The following TIMM44 variants were observed in gnomAD, a reference collection of about 807,000 sequenced individuals.
TIMM44 encodes mitochondrial import inner membrane translocase subunit TIM44.
TIMM44 carries 37 observed loss-of-function variants against 63.8 expected under a neutral mutation model. The ratio of observed to expected loss-of-function variants is 0.58; its 90% CI spans 0.45 to 0.76. TIMM44 has a LOEUF of 0.76. Ranked by LOEUF, TIMM44 falls within the 30% of genes least tolerant of loss-of-function variation. The pLI is 0.00. For synonymous variants in TIMM44, 239 were observed against 245.1 expected (o/e 0.98, Z 0.23); for missense variants, 573 against 603.8 (o/e 0.95, Z 0.54).
At chr19:7,929,894 G>A (rs1983931395) in intron 10 of TIMM44, among the ~76,000 whole-genome samples, 1 of 152,134 alleles carries the variant, frequency 6.6e-6, no homozygotes. Flanking sequence ...TGTTGCCCAG[G>A]CTGGAGTGCA....
intron 10 of TIMM44, among the ~76,000 whole-genome samples, chr19:7,930,352 A>T (rs1348014820): frequency 7.6e-6 from 1 of 131,006 alleles, no homozygotes; most frequent in Non-Finnish European, 1.5e-5. Flanking sequence ...TCTGTTGCCC[A>T]GGCTGAAGTG....
At chr19:7,931,862 G>T (rs1983994553) in intron 9 of TIMM44, 1 of 156,520 alleles carries the variant, frequency 6.4e-6, no homozygotes, top group Non-Finnish European at 1.4e-5. Context: ...AGGCACTGCG[G>T]TGCTCAGGCT....
chr19:7,941,491 T>C (rs1253966315), intron 1 of TIMM44, among the ~76,000 whole-genome samples: 2 of 152,022 alleles, frequency 1.3e-5, no homozygotes, highest in East Asian at 3.9e-4. Context: ...TTTTGCCATG[T>C]TGGCCAGGCT....
Position 7,933,023 on chromosome 19 carries a change from C to A in TIMM44, c.770-91G>T, listed in dbSNP as rs917486616. On this transcript the variant is annotated intron_variant, in intron 7 of 12. Coordinates refer to ENST00000270538, the MANE Select transcript of TIMM44 (RefSeq NM_006351.4). The surrounding 1 kb of genome is among the most constrained non-coding windows in gnomAD (Gnocchi z 4.3). ...TTCTAGAGGCTCCCTGTGACCCCTG[C>A]GGGATCCACCCTGACACGGGTGGGG... The A allele has an allele frequency of 1.9e-6, 2 of 1,037,376 alleles. No homozygotes were observed. The highest frequency in any genetic ancestry group is 3.0e-6 in the Non-Finnish European group (2 of 676,720). 64.3% of individuals were successfully genotyped at this position (1,037,376 alleles called of 1,614,324 possible).
intron 10 of TIMM44, among the ~76,000 whole-genome samples, chr19:7,930,303 CTTTTT>C (rs71179159): frequency 9.1e-6 from 1 of 109,476 alleles, no homozygotes; most frequent in Non-Finnish European, 1.8e-5. Context: ...ATGCTTGGCT[CTTTTT>C]TTTTTTTTTT....
chr19:7,935,933 C>G (rs1408708618), intron 3 of TIMM44, among the ~76,000 whole-genome samples: 2 of 152,196 alleles, frequency 1.3e-5, no homozygotes, highest in African/African-American at 4.8e-5. Flanking sequence ...ATGGGAGGAT[C>G]GCTTGAGCCC....
rs1270463133 is a variant in TIMM44, at chr19:7,932,907, A to G, written c.795T>C (p.Tyr265=). The G allele has an allele frequency of 2.5e-6, 4 of 1,614,168 alleles. No homozygotes were observed. The highest frequency in any genetic ancestry group is 4.5e-5 in the East Asian group (2 of 44,870). The change falls in exon 8 of 13, where the codon TAT becomes TAC. Residue 265 remains tyrosine, a synonymous_variant. Coordinates refer to ENST00000270538, the MANE Select transcript of TIMM44 (RefSeq NM_006351.4). ...GGATGAACGCGTTGTCGCTTTCGTC[A>G]TACTTCATCTTCATCTCGAAGAACC... ...FNRFFEMKMK[Y]DESDNAFIRA...
At chr19:7,941,006 G>T in intron 2 of TIMM44, 96 bp downstream of exon 2, 1 of 975,846 alleles carries the variant, frequency 1.0e-6, no homozygotes, top group Non-Finnish European at 1.6e-6. Flanking sequence ...GATGGTACGA[G>T]CCACCTCTAC....
At chr19:7,939,612 CA>C (rs34322159) in intron 2 of TIMM44, among the ~76,000 whole-genome samples, 17,147 of 91,030 alleles carry the variant, frequency 0.19, 1,276 homozygotes, top group Middle Eastern at 0.25. Flanking sequence ...GACTCCATCT[CA>C]AAAAAAAAAA....
intron 1 of TIMM44, among the ~76,000 whole-genome samples, chr19:7,941,614 C>G (rs762816949): frequency 1.3e-5 from 2 of 151,640 alleles, no homozygotes; most frequent in African/African-American, 4.8e-5. Flanking sequence ...GTATCTTATG[C>G]CTGATGCATG....
intron 10 of TIMM44, among the ~76,000 whole-genome samples, chr19:7,929,784 G>A (rs972356618): frequency 6.6e-6 from 1 of 151,714 alleles, no homozygotes; most frequent in African/African-American, 2.4e-5. Context: ...TAGGGCAGTC[G>A]GCCCCCAGAC....
At chr19:7,941,257 C>A in intron 1 of TIMM44, 60 bp from the exon 2 acceptor site, 1 of 1,323,512 alleles carries the variant, frequency 7.6e-7, no homozygotes, top group Non-Finnish European at 1.1e-6. Context: ...GAGAAGTAAG[C>A]AGACCACACA....
Position 7,943,489 on chromosome 19 carries a change from G to C in TIMM44, c.45+118C>G. On this transcript the variant is annotated intron_variant, in intron 1 of 12. Transcript: ENST00000270538. This position sits in a 1 kb window ranked among gnomAD's most constrained non-coding sequence, Gnocchi z 4.3. ...CTGCTACCCAAAGATCTAACCCCAA[G>C]CTTTCTAAGGAGCCCAAGCAAGGGT... is the stretch of plus-strand genomic sequence containing the variant. The C allele has an allele frequency of 8.1e-7, 1 of 1,230,420 alleles. No individual in the cohort carries two copies. Among genetic ancestry groups the C allele is most frequent in the East Asian group, 2.5e-5 (1 of 39,424 alleles). 76.2% of individuals were successfully genotyped at this position (1,230,420 alleles called of 1,614,324 possible). A position where few individuals can be genotyped will look rare whatever the true frequency, so the allele number is the denominator to read the frequency against.
chr19:7,932,985 C>A (rs4804243), intron 7 of TIMM44, 53 bp from the exon 8 acceptor site: 267,823 of 1,431,396 alleles, frequency 0.19, 28,776 homozygotes, highest in Non-Finnish European at 0.22. Flanking sequence ...GAAACACAAC[C>A]CTCCCTCACA....
Position 7,943,607 on chromosome 19 carries a change from C to T in TIMM44, c.45G>A (p.Arg15=), listed in dbSNP as rs1984369456. 1 of 1,563,506 alleles carries T rather than the reference C, an allele frequency of 6.4e-7. No homozygotes were observed. The highest frequency in any genetic ancestry group is 8.6e-7 in the Non-Finnish European group (1 of 1,161,496). ...ALRSGWCRCP[R]RCLGSGIQFL... ...CTGCCAGCGCCGCACCGCCGCTCACCCGTGGACAGCGGCACCAGCCACTCC... is the reference window on the plus strand; with the variant it reads ...CTGCCAGCGCCGCACCGCCGCTCACTCGTGGACAGCGGCACCAGCCACTCC... The change falls in exon 1 of 13, where the codon CGG becomes CGA. Residue 15 remains arginine (R), a splice_region_variant and synonymous_variant. Coordinates refer to ENST00000270538, the MANE Select transcript of TIMM44 (RefSeq NM_006351.4). This position sits in a 1 kb window ranked among gnomAD's most constrained non-coding sequence, Gnocchi z 4.3.
rs58104981 is a variant in TIMM44 at position 7,935,041 on chromosome 19, T to TAA, written c.393+23_393+24insTT. The TAA allele has an allele frequency of 7.0e-3, 11,308 of 1,605,886 alleles. 655 individuals carry two copies. In the African/African-American group the frequency reaches 0.13, roughly 19 times the overall value. ...AGGGGACTTTGATGGCCCCAGCGGC[T>TAA]CCAGGCGGGCGTGGAACTGTTACCT... On this transcript the variant is annotated intron_variant, in intron 4 of 12. Transcript: ENST00000270538.
At position 7,933,644 on chromosome 19, in the gene TIMM44, G is replaced by A; in HGVS notation, c.684-74C>T. 7.0e-7 allele frequency: 1 copy of A among 1,422,300 alleles called. No individual in the cohort carries two copies. Among genetic ancestry groups the A allele is most frequent in the African/African-American group, 1.4e-5 (1 of 71,132 alleles). The allele number at this position is 1,422,300 out of a possible 1,614,324, so 88.1% of individuals were successfully genotyped here. A position where few individuals can be genotyped will look rare whatever the true frequency, so the allele number is the denominator to read the frequency against. On this transcript the variant is annotated intron_variant, in intron 6 of 12. Coordinates refer to ENST00000270538, the MANE Select transcript of TIMM44 (RefSeq NM_006351.4). The surrounding 1 kb of genome is among the most constrained non-coding windows in gnomAD (Gnocchi z 4.3). Reference sequence around the variant, plus strand: ...CTGTGCCCTCCTGCGGCTGCAGGCAGGGGGCAGTACAGGACAGCAGGCAGC... The same window carrying A: ...CTGTGCCCTCCTGCGGCTGCAGGCAAGGGGCAGTACAGGACAGCAGGCAGC...
rs529745388 is a variant in TIMM44 at position 7,929,807 on chromosome 19, T to C, written c.1038+1331A>G. Among the ~76,000 whole-genome samples, 7 of 151,778 alleles carry C rather than the reference T, an allele frequency of 4.6e-5. No individual in the cohort carries two copies. The South Asian group carries it at 1.5e-3, about 32-fold the overall frequency. On this transcript the variant is annotated intron_variant, in intron 10 of 12. Coordinates refer to ENST00000270538, the MANE Select transcript of TIMM44 (RefSeq NM_006351.4). Reference sequence around the variant, plus strand: ...TCGGCCCCCAGACACCTCATTTTACTTCATGGCTGCAACCACCTCTCCTGG... The same window carrying C: ...TCGGCCCCCAGACACCTCATTTTACCTCATGGCTGCAACCACCTCTCCTGG...
Position 7,933,595 on chromosome 19 carries a change from G to A in TIMM44, c.684-25C>T. 6.2e-7 allele frequency: 1 copy of A among 1,605,308 alleles called. No individual in the cohort carries two copies. Among genetic ancestry groups the A allele is most frequent in the South Asian group, 1.1e-5 (1 of 90,914 alleles). The stretch of plus-strand genomic sequence containing the variant: ...CCTGGGGAAGAGGGTGGGCCCTGGG[G>A]TGAGCGGCGGCGCCAGGGCCACCCT... On this transcript the variant is annotated intron_variant, in intron 6 of 12. Transcript: ENST00000270538. This position sits in a 1 kb window ranked among gnomAD's most constrained non-coding sequence, Gnocchi z 4.3.
Sources: allele counts gnomAD v4.1 joint callset (sites outside exome capture counted in the v4.1 genomes callset), GRCh38; gene constraint gnomAD v4.1.1; non-coding constraint Gnocchi (gnomAD v3.1); transcripts MANE v1.5; gene names NCBI Gene and HGNC (gene_info 2026-07-23, HGNC 2026-07-21).